Variants in LHFPL6 observed in about 807,000 individuals in gnomAD.
LHFPL6 encodes the protein LHFPL tetraspan subfamily member 6 protein.
In LHFPL6, 9 loss-of-function variants were observed where a neutral mutation model predicts 20.6. The observed-to-expected ratio is 0.44, with a 90% CI of 0.26 to 0.76. LHFPL6 has a LOEUF of 0.76. LHFPL6 is among the 30% of genes least tolerant of loss of function. LHFPL6 has a pLI of 0.20. For synonymous variants in LHFPL6, 105 were observed against 98.7 expected, an observed-to-expected ratio of 1.06 and a Z score of -0.38; for missense variants, 218 against 253.5, an observed-to-expected ratio of 0.86 and a Z score of 0.95.
intron 2 of LHFPL6, among the ~76,000 whole-genome samples, chr13:39,545,745 T>C (rs1360677792): frequency 6.6e-6 from 1 of 152,088 alleles, no homozygotes; most frequent in Non-Finnish European, 1.5e-5. Context: ...AAATGCTACC[T>C]AAATAGTTAT....
At chr13:39,426,701 C>T (rs535841987) in intron 2 of LHFPL6, among the ~76,000 whole-genome samples, 5 of 152,164 alleles carry the variant, frequency 3.3e-5, no homozygotes, top group Admixed American at 1.3e-4. Context: ...TTCTATTGTA[C>T]GTACATAAAA....
chr13:39,596,411 C>A (rs1356401231), intron 2 of LHFPL6, among the ~76,000 whole-genome samples: 28 of 152,052 alleles, frequency 1.8e-4, no homozygotes, highest in Admixed American at 1.8e-3. Flanking sequence ...CATCTCTGAA[C>A]CAGCAGCAGC....
chr13:39,519,731 T>C (rs1870046532), intron 2 of LHFPL6, among the ~76,000 whole-genome samples: 1 of 152,178 alleles, frequency 6.6e-6, no homozygotes, highest in Non-Finnish European at 1.5e-5. Flanking sequence ...GTAAGCCCCA[T>C]GCTTTCTCCT....
At chr13:39,422,236 C>T (rs1175934542) in intron 2 of LHFPL6, among the ~76,000 whole-genome samples, 1 of 152,116 alleles carries the variant, frequency 6.6e-6, no homozygotes, top group Non-Finnish European at 1.5e-5. Context: ...TGGCAGCAGA[C>T]TATATGGTAT....
intron 2 of LHFPL6, among the ~76,000 whole-genome samples, chr13:39,479,002 TTATA>T (rs1197980883): frequency 6.6e-6 from 1 of 150,906 alleles, no homozygotes; most frequent in Non-Finnish European, 1.5e-5. Flanking sequence ...GATTTCTTTA[TTATA>T]TATAATGAAG....
At chr13:39,422,259 G>T (rs1404469317) in intron 2 of LHFPL6, among the ~76,000 whole-genome samples, 11 of 152,118 alleles carry the variant, frequency 7.2e-5, no homozygotes, top group African/African-American at 2.4e-4. Context: ...TCTAATGTTA[G>T]GTATAATGAA....
At chr13:39,363,840 A>G (rs1033673144) in intron 3 of LHFPL6, among the ~76,000 whole-genome samples, 4 of 152,196 alleles carry the variant, frequency 2.6e-5, no homozygotes, top group Admixed American at 2.6e-4. Context: ...CTATAAAGTT[A>G]TGGGAAAAAA....
At chr13:39,581,696 T>C (rs1195174392) in intron 2 of LHFPL6, among the ~76,000 whole-genome samples, 1 of 152,066 alleles carries the variant, frequency 6.6e-6, no homozygotes, top group Non-Finnish European at 1.5e-5. Flanking sequence ...ACTTTGATTT[T>C]TATTGCAATC....
At chr13:39,464,976 A>G (rs965245289) in intron 2 of LHFPL6, among the ~76,000 whole-genome samples, 2 of 152,196 alleles carry the variant, frequency 1.3e-5, no homozygotes, top group African/African-American at 4.8e-5. Flanking sequence ...AGGGGCACTT[A>G]TTAGCCAAAG....
At chr13:39,585,691 C>G (rs1196328041) in intron 2 of LHFPL6, among the ~76,000 whole-genome samples, 1 of 152,094 alleles carries the variant, frequency 6.6e-6, no homozygotes, top group Admixed American at 6.5e-5. Flanking sequence ...CTGTACCTCA[C>G]TTCCGTTTCT....
At chr13:39,538,691 C>A (rs2138501742) in intron 2 of LHFPL6, among the ~76,000 whole-genome samples, 1 of 151,796 alleles carries the variant, frequency 6.6e-6, no homozygotes, top group South Asian at 2.1e-4. Context: ...ATTTTGGAGG[C>A]AATTGAAATT....
intron 2 of LHFPL6, among the ~76,000 whole-genome samples, chr13:39,587,062 CAGG>C (rs1872470826): frequency 6.6e-6 from 1 of 151,956 alleles, no homozygotes; most frequent in South Asian, 2.1e-4. Context: ...GAGGCTGCAG[CAGG>C]AGAATTGCTT....
At chr13:39,446,108 G>A (rs372873159) in intron 2 of LHFPL6, among the ~76,000 whole-genome samples, 4 of 152,184 alleles carry the variant, frequency 2.6e-5, no homozygotes, top group African/African-American at 9.7e-5. Context: ...ATTTACAAAT[G>A]AGGAAATGAG....
chr13:39,393,479 T>C (rs1870761388), intron 2 of LHFPL6, among the ~76,000 whole-genome samples: 1 of 152,150 alleles, frequency 6.6e-6, no homozygotes, highest in South Asian at 2.1e-4. Flanking sequence ...GATGAGTACA[T>C]TCTGAGAAGT....
At chr13:39,574,278 C>T (rs1305557607) in intron 2 of LHFPL6, among the ~76,000 whole-genome samples, 3 of 151,926 alleles carry the variant, frequency 2.0e-5, no homozygotes, top group African/African-American at 4.8e-5. Flanking sequence ...GTCAGGAGAA[C>T]AAGATCATCC....
rs1453543865 is a variant in LHFPL6, at chr13:39,343,004, T to A, written c.*932A>T. Reference sequence around the variant, plus strand: ...ATAAATGTGGTACAGCACAGTACAATAATGGACAAAAGAAAACACGATCCA... The same window carrying A: ...ATAAATGTGGTACAGCACAGTACAAAAATGGACAAAAGAAAACACGATCCA... On this transcript the variant is annotated 3_prime_UTR_variant, in exon 4 of 4. Coordinates refer to ENST00000379589, the MANE Select transcript of LHFPL6 (RefSeq NM_005780.3). 2.1e-5 allele frequency: 4 copies of A among 191,948 alleles called. No homozygotes were observed. The East Asian group carries it at 3.3e-4, about 16-fold the overall frequency. The allele number at this position is 191,948 out of a possible 1,614,324, so 11.9% of individuals were successfully genotyped here.
At chr13:39,462,224 T>C (rs1401665293) in intron 2 of LHFPL6, among the ~76,000 whole-genome samples, 5 of 152,156 alleles carry the variant, frequency 3.3e-5, no homozygotes, top group Admixed American at 6.5e-5. Context: ...ACACCACCTT[T>C]AGAAGAAGAG....
intron 2 of LHFPL6, among the ~76,000 whole-genome samples, chr13:39,407,999 C>T (rs540982952): frequency 6.6e-6 from 1 of 152,258 alleles, no homozygotes; most frequent in South Asian, 2.1e-4. Context: ...TGCATAACAG[C>T]GTAACCAAAA....
intron 3 of LHFPL6, among the ~76,000 whole-genome samples, chr13:39,370,746 C>T (rs1164784629): frequency 1.3e-5 from 2 of 152,134 alleles, no homozygotes; most frequent in South Asian, 2.1e-4. Context: ...TGAAGCAACC[C>T]GAAAAGTCCA....
Sources: gnomAD v4.1 joint callset for allele counts (sites outside exome capture counted in the v4.1 genomes callset) on GRCh38, gnomAD v4.1.1 for gene constraint, MANE v1.5 for transcripts, NCBI Gene and HGNC (gene_info 2026-07-23, HGNC 2026-07-21) for gene names.